The following CMSS1 variants were observed in gnomAD, a reference collection of about 807,000 sequenced individuals.
CMSS1 encodes cms1 ribosomal small subunit homolog, also known as protein CMSS1.
In CMSS1, 33 loss-of-function variants were observed where a neutral mutation model predicts 43.5. The observed-to-expected ratio is 0.76, with a 90% confidence interval of 0.57 to 1.01. The LOEUF (loss-of-function observed/expected upper bound fraction) is 1.01. CMSS1 is among the 50% of genes least tolerant of loss of function. CMSS1 has a pLI of 0.00. For missense variants in CMSS1, 313 were observed against 326.4 expected (o/e 0.96, Z 0.32); for synonymous variants, 115 against 117.2 (o/e 0.98, Z 0.12).
chr3:100,026,719 C>T (rs987278991), intron 1 of CMSS1, among the ~76,000 whole-genome samples: 9 of 152,124 alleles, frequency 5.9e-5, no homozygotes, highest in East Asian at 1.9e-4. Flanking sequence ...TCACTTCTTA[C>T]GGATTTCTGT....
At chr3:99,862,940 C>T (rs115446700) in intron 1 of CMSS1, among the ~76,000 whole-genome samples, 27 of 152,312 alleles carry the variant, frequency 1.8e-4, no homozygotes, top group Non-Finnish European at 3.5e-4. Context: ...AGTTGACCTT[C>T]CCAAAGCCTC....
At chr3:100,135,546 ATAGCTCATTG>A (rs1317549490) in intron 1 of CMSS1, among the ~76,000 whole-genome samples, 1 of 151,080 alleles carries the variant, frequency 6.6e-6, no homozygotes, top group Non-Finnish European at 1.5e-5. Flanking sequence ...TGGCATCATC[ATAGCTCATTG>A]TATCTTCGAA....
chr3:99,931,862 G>T (rs1265833205), intron 1 of CMSS1, among the ~76,000 whole-genome samples: 1 of 152,134 alleles, frequency 6.6e-6, no homozygotes, highest in Non-Finnish European at 1.5e-5. Flanking sequence ...CACTGTTGAG[G>T]TTTATAACTA....
chr3:99,968,175 A>G (rs1708709292), intron 1 of CMSS1, among the ~76,000 whole-genome samples: 1 of 152,202 alleles, frequency 6.6e-6, no homozygotes, highest in African/African-American at 2.4e-5. Context: ...GACTTCTCCT[A>G]AAGTCTTAAG....
chr3:100,137,729 A>G (rs2066768192), intron 1 of CMSS1, among the ~76,000 whole-genome samples: 1 of 152,012 alleles, frequency 6.6e-6, no homozygotes. Flanking sequence ...TGCCCGGCTA[A>G]TTCTGTTTTT....
chr3:100,157,558 C>T (rs572890410), intron 2 of CMSS1, among the ~76,000 whole-genome samples: 3 of 152,266 alleles, frequency 2.0e-5, no homozygotes, highest in African/African-American at 4.8e-5. Flanking sequence ...AACTCCCAAA[C>T]GTCACTCTCT....
chr3:100,156,642 G>A (rs750373640), intron 2 of CMSS1, among the ~76,000 whole-genome samples: 61 of 151,034 alleles, frequency 4.0e-4, no homozygotes, highest in Non-Finnish European at 7.7e-4. Context: ...TTGAGACGGA[G>A]TCTCGCTCTG....
intron 1 of CMSS1, among the ~76,000 whole-genome samples, chr3:99,913,420 C>T (rs1706855273): frequency 1.3e-5 from 2 of 152,034 alleles, no homozygotes; most frequent in African/African-American, 4.8e-5. Flanking sequence ...CTCTCTGTTA[C>T]CAGTGATTAA....
At chr3:100,054,321 G>A (rs2065423824) in intron 1 of CMSS1, among the ~76,000 whole-genome samples, 1 of 152,110 alleles carries the variant, frequency 6.6e-6, no homozygotes, top group Non-Finnish European at 1.5e-5. Context: ...ATTTCACAAA[G>A]AAATTGAGAT....
chr3:100,134,547 C>G (rs868158606), intron 1 of CMSS1, among the ~76,000 whole-genome samples: 27 of 152,222 alleles, frequency 1.8e-4, no homozygotes, highest in Middle Eastern at 6.8e-3. Flanking sequence ...TAAAGAATCT[C>G]TGCAATAAGA....
intron 1 of CMSS1, among the ~76,000 whole-genome samples, chr3:99,875,717 G>T (rs1426694281): frequency 1.3e-5 from 2 of 152,174 alleles, no homozygotes. Flanking sequence ...CCGGAGGAGA[G>T]ATAGGGTTGC....
intron 1 of CMSS1, among the ~76,000 whole-genome samples, chr3:99,887,155 G>A (rs1256281772): frequency 6.6e-6 from 1 of 151,864 alleles, no homozygotes; most frequent in African/African-American, 2.4e-5. Flanking sequence ...TGTAATCCCA[G>A]CTACTCGAGA....
intron 1 of CMSS1, among the ~76,000 whole-genome samples, chr3:99,921,237 C>A (rs746736371): frequency 6.6e-6 from 1 of 152,164 alleles, no homozygotes; most frequent in Non-Finnish European, 1.5e-5. Context: ...AGGCACACTA[C>A]GGGTATTTCA....
At chr3:99,926,209 G>T (rs1163536134) in intron 1 of CMSS1, among the ~76,000 whole-genome samples, 1 of 152,230 alleles carries the variant, frequency 6.6e-6, no homozygotes, top group Admixed American at 6.5e-5. Context: ...TTCAGAAAAA[G>T]AGTACAACTG....
chr3:99,890,843 A>G (rs1334693149), intron 1 of CMSS1, among the ~76,000 whole-genome samples: 4 of 151,558 alleles, frequency 2.6e-5, no homozygotes, highest in African/African-American at 9.7e-5. Flanking sequence ...CAATAATTGT[A>G]TATTATTTTC....
At chr3:99,850,314 G>A (rs1559657904) in intron 1 of CMSS1, 1 of 1,613,340 alleles carries the variant, frequency 6.2e-7, no homozygotes, top group East Asian at 2.2e-5. Flanking sequence ...ACTGCTTTGT[G>A]GTCATCCTTT....
chr3:99,979,367 A>G (rs1367354822), intron 1 of CMSS1, among the ~76,000 whole-genome samples: 2 of 152,220 alleles, frequency 1.3e-5, no homozygotes, highest in Non-Finnish European at 2.9e-5. Flanking sequence ...CAGAGTTAAG[A>G]GATGTTAACC....
intron 1 of CMSS1, among the ~76,000 whole-genome samples, chr3:100,136,350 G>A (rs2066753083): frequency 6.6e-6 from 1 of 152,190 alleles, no homozygotes; most frequent in African/African-American, 2.4e-5. Context: ...CACGCCCACA[G>A]CTTTGAGTGG....
rs1364993601 is a variant in CMSS1 at position 99,929,674 on chromosome 3, T to G, written c.64+111631T>G. Among the ~76,000 whole-genome samples, 2 of 152,212 alleles carry G rather than the reference T, an allele frequency of 1.3e-5. 1 individual carries two copies. The highest frequency in any genetic ancestry group is 1.3e-4 in the Admixed American group (2 of 15,280). On this transcript the variant is annotated intron_variant, in intron 1 of 9. Coordinates refer to ENST00000421999, the MANE Select transcript of CMSS1 (RefSeq NM_032359.4). ...AGCAACAAACCTAGTGGACGCATCC[T>G]GTCTATGGTTCATTCTTTTTAACTT... is the stretch of plus-strand genomic sequence containing the variant.
Sources: gnomAD v4.1 joint callset for allele counts (sites outside exome capture counted in the v4.1 genomes callset) on GRCh38, gnomAD v4.1.1 for gene constraint, MANE v1.5 for transcripts, NCBI Gene and HGNC (gene_info 2026-07-23, HGNC 2026-07-21) for gene names.